The following PLS3 variants were observed in gnomAD, a reference collection of about 807,000 sequenced individuals.
PLS3 encodes the protein plastin-3.
A neutral mutation model predicts 46.5 loss-of-function variants in PLS3; 11 were observed. That is an observed-to-expected ratio of 0.24 (90% confidence interval 0.15 to 0.39). PLS3 has a LOEUF of 0.39. Ranked by LOEUF, PLS3 falls within the 10% of genes least tolerant of loss-of-function variation. The pLI is 1.00. For missense variants in PLS3, 308 were observed against 461.8 expected, an observed-to-expected ratio of 0.67 and a Z score of 3.05; for synonymous variants, 167 against 162.2, an observed-to-expected ratio of 1.03 and a Z score of -0.22.
chrX:115,606,165 CTTTTTTTT>C (rs782575149), intron 1 of PLS3, among the ~76,000 whole-genome samples: 6 of 30,285 alleles, frequency 2.0e-4, no homozygotes, highest in Admixed American at 1.8e-3. Flanking sequence ...CTTTTCTTTT[CTTTTTTTT>C]TTTTTTTTTT....
At chrX:115,588,382 G>A (rs2074323607) in intron 1 of PLS3, among the ~76,000 whole-genome samples, 1 of 112,035 alleles carries the variant, frequency 8.9e-6, no homozygotes, top group African/African-American at 3.2e-5. Flanking sequence ...TGCAGAAGCA[G>A]ATATGAAAAC....
At chrX:115,599,137 A>G (rs781878691) in intron 1 of PLS3, among the ~76,000 whole-genome samples, 1 of 109,988 alleles carries the variant, frequency 9.1e-6, no homozygotes, top group East Asian at 2.9e-4. Flanking sequence ...TCCAAAGGCT[A>G]TATATACTAG....
chrX:115,632,068 C>T (rs907244814), intron 5 of PLS3, among the ~76,000 whole-genome samples: 6 of 110,898 alleles, frequency 5.4e-5, no homozygotes, highest in Non-Finnish European at 1.1e-4. Flanking sequence ...CCTACCAAAG[C>T]GCTGGGATTA....
intron 5 of PLS3, among the ~76,000 whole-genome samples, chrX:115,631,809 T>C (rs1427758712): frequency 9.0e-6 from 1 of 111,381 alleles, no homozygotes; most frequent in African/African-American, 3.3e-5. Flanking sequence ...GTGTGTGTTT[T>C]GTTTTTGTTT....
At chrX:115,584,411 A>C (rs1556632172) in intron 1 of PLS3, among the ~76,000 whole-genome samples, 1 of 112,439 alleles carries the variant, frequency 8.9e-6, no homozygotes. Flanking sequence ...ATTTAATGCT[A>C]TCACTCAGCT....
At chrX:115,570,737 T>C (rs1349363266) in intron 1 of PLS3, among the ~76,000 whole-genome samples, 2 of 108,996 alleles carry the variant, frequency 1.8e-5, no homozygotes, top group Non-Finnish European at 3.8e-5. Context: ...CTGGCAAGAT[T>C]TTAGAAATTA....
chrX:115,648,483 C>G (rs782335218), intron 15 of PLS3, among the ~76,000 whole-genome samples: 3 of 111,191 alleles, frequency 2.7e-5, no homozygotes, highest in Non-Finnish European at 5.7e-5. Flanking sequence ...TGCTAGCCCT[C>G]CACAGAAGAC....
intron 7 of PLS3, among the ~76,000 whole-genome samples, chrX:115,636,427 T>C (rs374828686): frequency 7.7e-4 from 85 of 110,920 alleles, no homozygotes; most frequent in African/African-American, 1.8e-3. Flanking sequence ...AGGATGGTCT[T>C]GATCTCCTGA....
chrX:115,633,275 A>T (rs1377158140), intron 5 of PLS3, among the ~76,000 whole-genome samples: 1 of 108,963 alleles, frequency 9.2e-6, no homozygotes, highest in African/African-American at 3.3e-5. Context: ...GGTTCAGGCA[A>T]TTCTCCTGCC....
chrX:115,620,694 T>G (rs1225623409), intron 2 of PLS3, among the ~76,000 whole-genome samples: 2 of 106,612 alleles, frequency 1.9e-5, no homozygotes, highest in Admixed American at 2.0e-4. Flanking sequence ...TTTTTTCTTT[T>G]TTTTTTCTTT....
intron 1 of PLS3, among the ~76,000 whole-genome samples, chrX:115,567,239 C>T (rs1390271808): frequency 9.0e-6 from 1 of 111,193 alleles, no homozygotes; most frequent in Non-Finnish European, 1.9e-5. Flanking sequence ...GAGGACAACA[C>T]GCAGGTCTGG....
chrX:115,567,709 C>CT (rs782653479), intron 1 of PLS3, among the ~76,000 whole-genome samples: 1,781 of 81,864 alleles, frequency 0.022, 33 homozygotes, highest in African/African-American at 0.051. Context: ...TTTTCTTCTT[C>CT]TTTTTTTTTT....
intron 1 of PLS3, among the ~76,000 whole-genome samples, chrX:115,583,918 T>C (rs907213075): frequency 3.6e-5 from 4 of 111,233 alleles, no homozygotes; most frequent in Non-Finnish European, 7.5e-5. Flanking sequence ...CTTGATACAC[T>C]GAGAGTTCTT....
At chrX:115,630,858 ATATT>A (rs782247031) in intron 5 of PLS3, among the ~76,000 whole-genome samples, 1,401 of 95,009 alleles carry the variant, frequency 0.015, 51 homozygotes, top group African/African-American at 0.052. Flanking sequence ...TAATATATGT[ATATT>A]ATACATGTAT....
chrX:115,647,817 T>G, intron 14 of PLS3, 76 bp from the exon 15 acceptor site: 1 of 1,171,188 alleles, frequency 8.5e-7, no homozygotes, highest in Non-Finnish European at 1.2e-6. Context: ...GGCTTTGTTT[T>G]TGGCACTTGA....
chrX:115,643,449 A>G lies in PLS3; in HGVS notation c.1124A>G (p.Asn375Ser), dbSNP rs782786594. Residue 375 changes from asparagine (N) to serine (S), a missense_variant, in exon 10 of 16, where the codon AAT becomes AGT. Around this residue, in one of 2 missense-constraint regions of PLS3, gnomAD observed 271 missense variants for 435.7 expected, o/e 0.62. Coordinates refer to ENST00000355899, the MANE Select transcript of PLS3 (RefSeq NM_005032.7). Reference protein sequence around the residue: ...LNLAFVANLFNKYPALTKPEN... With the variant: ...LNLAFVANLFSKYPALTKPEN... The stretch of plus-strand genomic sequence containing the variant: ...TTAGCTTTCGTGGCTAACCTGTTTA[A>G]TAAATACCCAGCACTAACTAAGCCA... 1.7e-5 allele frequency: 21 copies of G among 1,203,666 alleles called. No homozygotes were observed. The African/African-American group carries it at 3.3e-4, about 19-fold the overall frequency.
At chrX:115,564,105 T>C (rs782004606) in intron 1 of PLS3, among the ~76,000 whole-genome samples, 1 of 111,204 alleles carries the variant, frequency 9.0e-6, no homozygotes, top group Non-Finnish European at 1.9e-5. Flanking sequence ...TGGTATGATC[T>C]AATGAGCCCA....
At chrX:115,601,900 CACTTAGACTT>C (rs1556634649) in intron 1 of PLS3, among the ~76,000 whole-genome samples, 1 of 111,797 alleles carries the variant, frequency 8.9e-6, no homozygotes, top group Non-Finnish European at 1.9e-5. Context: ...AGATTGGAGA[CACTTAGACTT>C]TCCTAACTTG....
At chrX:115,590,355 A>G (rs1053239502) in intron 1 of PLS3, among the ~76,000 whole-genome samples, 1 of 110,972 alleles carries the variant, frequency 9.0e-6, no homozygotes, top group Non-Finnish European at 1.9e-5. Context: ...GCATTCCCAA[A>G]CCAGTGTTCA....
Sources: gnomAD v4.1 joint callset for allele counts (sites outside exome capture counted in the v4.1 genomes callset) on GRCh38, gnomAD v4.1.1 for gene constraint, gnomAD v4.1.1 regional missense constraint, MANE v1.5 for transcripts, NCBI Gene and HGNC (gene_info 2026-07-23, HGNC 2026-07-21) for gene names.